Variants in IGSF11 observed in about 807,000 individuals in gnomAD.
IGSF11 encodes immunoglobulin superfamily member 11.
Under a neutral mutation model 41.0 loss-of-function variants are expected in IGSF11, and 22 were observed. The observed-to-expected ratio is 0.54, with a 90% CI of 0.38 to 0.77. The LOEUF (loss-of-function observed/expected upper bound fraction) is 0.77, where lower values mean the gene tolerates loss of function less well. Among genes scored for constraint, IGSF11 ranks in the 30% least tolerant of loss-of-function variants. The pLI is 0.00. For missense variants in IGSF11, 444 were observed against 530.8 expected (o/e 0.84, Z 1.61); for synonymous variants, 219 against 201.3 (o/e 1.09, Z -0.74).
intron 1 of IGSF11, among the ~76,000 whole-genome samples, chr3:118,946,264 A>G (rs1210215905): frequency 7.2e-6 from 1 of 139,512 alleles, no homozygotes; most frequent in Non-Finnish European, 1.5e-5. Context: ...AAATGAATTC[A>G]GTAATGTTTT....
chr3:119,036,096 G>T (rs897823928), upstream of IGSF11, among the ~76,000 whole-genome samples: 2 of 151,950 alleles, frequency 1.3e-5, no homozygotes, highest in Non-Finnish European at 2.9e-5. Context: ...TATTTTTAAG[G>T]TTAAAAAAAT....
intron 1 of IGSF11, among the ~76,000 whole-genome samples, chr3:119,049,148 G>A (rs899863781): frequency 1.3e-5 from 2 of 151,468 alleles, no homozygotes; most frequent in African/African-American, 4.9e-5. Flanking sequence ...TTCTGGCCAG[G>A]GCAATTAGGC....
At chr3:119,111,374 T>C (rs1265229158) in intron 1 of IGSF11, among the ~76,000 whole-genome samples, 3 of 152,372 alleles carry the variant, frequency 2.0e-5, no homozygotes, top group Admixed American at 6.5e-5. Context: ...TTCTTCCAGT[T>C]GATCGCATCA....
At chr3:119,122,446 C>T (rs1042912777) in intron 1 of IGSF11, among the ~76,000 whole-genome samples, 4 of 152,146 alleles carry the variant, frequency 2.6e-5, no homozygotes, top group Non-Finnish European at 5.9e-5. Flanking sequence ...GCACTGGGGC[C>T]CTAAATAAAC....
intron 1 of IGSF11, among the ~76,000 whole-genome samples, chr3:119,018,843 A>G (rs1399574681): frequency 6.6e-6 from 1 of 152,230 alleles, no homozygotes; most frequent in Non-Finnish European, 1.5e-5. Context: ...AAGTGCTGGC[A>G]GCAGCAGAAC....
At chr3:118,938,865 C>T (rs540032921) in intron 1 of IGSF11, among the ~76,000 whole-genome samples, 15 of 152,222 alleles carry the variant, frequency 9.9e-5, no homozygotes, top group South Asian at 4.1e-4. Flanking sequence ...AATGATAAAA[C>T]GGCGTGCTGA....
At chr3:118,933,507 T>G (rs944287653) in intron 1 of IGSF11, among the ~76,000 whole-genome samples, 37 of 149,490 alleles carry the variant, frequency 2.5e-4, no homozygotes, top group African/African-American at 9.1e-4. Flanking sequence ...CACACACATA[T>G]GTATACACAA....
At chr3:118,993,683 A>G (rs1936003374) in intron 1 of IGSF11, among the ~76,000 whole-genome samples, 1 of 152,240 alleles carries the variant, frequency 6.6e-6, no homozygotes, top group Non-Finnish European at 1.5e-5. Context: ...ATAAAAAGCA[A>G]TAAAGTAGTG....
chr3:118,997,536 A>G (rs900714274), intron 1 of IGSF11, among the ~76,000 whole-genome samples: 2 of 48,224 alleles, frequency 4.1e-5, no homozygotes, highest in Admixed American at 4.1e-4. Context: ...GCCCCCCCCC[A>G]GCCACACCAC....
chr3:118,913,999 A>G (rs1486143587), intron 4 of IGSF11, among the ~76,000 whole-genome samples: 1 of 152,210 alleles, frequency 6.6e-6, no homozygotes, highest in African/African-American at 2.4e-5. Context: ...CACAAGGATT[A>G]GGGAAAATGG....
At chr3:118,934,722 T>C (rs576152655) in intron 1 of IGSF11, among the ~76,000 whole-genome samples, 2 of 152,306 alleles carry the variant, frequency 1.3e-5, no homozygotes, top group East Asian at 3.9e-4. Context: ...ATGTTCCCTA[T>C]GGTTGTGAAT....
chr3:119,098,090 G>A (rs1018490676), intron 1 of IGSF11, among the ~76,000 whole-genome samples: 17 of 146,392 alleles, frequency 1.2e-4, no homozygotes, highest in East Asian at 6.3e-4. Flanking sequence ...GTGAGCCACC[G>A]CACCGAGCCA....
chr3:119,068,897 G>A (rs984586984), intron 1 of IGSF11, among the ~76,000 whole-genome samples: 1 of 149,874 alleles, frequency 6.7e-6, no homozygotes, highest in African/African-American at 2.5e-5. Flanking sequence ...TATGATTTAT[G>A]AGTGACAATG....
At chr3:119,107,457 G>C (rs201452157), upstream of IGSF11, among the ~76,000 whole-genome samples, 17,567 of 152,064 alleles carry the variant, frequency 0.12, 1,135 homozygotes, top group East Asian at 0.23. Flanking sequence ...TTGTAAATTT[G>C]TTTGAGTTCA....
intron 1 of IGSF11, among the ~76,000 whole-genome samples, chr3:119,015,649 C>CTATTTTTGTA (rs988554379): frequency 2.6e-5 from 4 of 151,880 alleles, no homozygotes; most frequent in Non-Finnish European, 4.4e-5. Flanking sequence ...TTACAAATGT[C>CTATTTTTGTA]TTTAGTCTAT....
chr3:118,994,342 A>T (rs1258599255), intron 1 of IGSF11, among the ~76,000 whole-genome samples: 1 of 152,188 alleles, frequency 6.6e-6, no homozygotes, highest in Non-Finnish European at 1.5e-5. Context: ...GCTAAGGACT[A>T]CCTCTAGAAT....
upstream of IGSF11, among the ~76,000 whole-genome samples, chr3:119,106,300 T>C (rs1249180511): frequency 6.6e-6 from 1 of 152,220 alleles, no homozygotes; most frequent in Non-Finnish European, 1.5e-5. Context: ...TAGTAGGTTT[T>C]ATTCATTCTT....
chr3:118,972,076 A>C (rs918466914), intron 1 of IGSF11, among the ~76,000 whole-genome samples: 5 of 152,194 alleles, frequency 3.3e-5, no homozygotes, highest in Non-Finnish European at 5.9e-5. Flanking sequence ...AGAAATTCCC[A>C]AGTTCCTAAG....
chr3:119,110,996 C>A (rs187003623), intron 1 of IGSF11, among the ~76,000 whole-genome samples: 2 of 151,590 alleles, frequency 1.3e-5, no homozygotes. Flanking sequence ...GTGGGTAACC[C>A]GACCTTTTTC....
Sources: allele counts gnomAD v4.1 joint callset (sites outside exome capture counted in the v4.1 genomes callset), GRCh38; gene constraint gnomAD v4.1.1; transcripts MANE v1.5; gene names NCBI Gene and HGNC (gene_info 2026-07-23, HGNC 2026-07-21).